Variants in ANXA3 observed in about 807,000 individuals in gnomAD.
ANXA3 encodes the protein 35-alpha calcimedin.
In ANXA3, 46 loss-of-function variants were observed where a neutral mutation model predicts 48.8. The observed-to-expected ratio is 0.94, with a 90% CI of 0.74 to 1.21. The LOEUF is 1.21. ANXA3 is among the 50% of genes most tolerant of loss of function. ANXA3 has a pLI of 0.00. For synonymous variants in ANXA3, 128 were observed against 134.7 expected (o/e 0.95, Z 0.35); for missense variants, 383 against 378.6 (o/e 1.01, Z -0.10).
intron 2 of ANXA3, among the ~76,000 whole-genome samples, chr4:78,563,997 T>C (rs1454825883): frequency 6.6e-6 from 1 of 152,236 alleles, no homozygotes; most frequent in East Asian, 1.9e-4. Context: ...TTAAGCACTT[T>C]ACTTTGATTG....
intron 3 of ANXA3, among the ~76,000 whole-genome samples, chr4:78,576,554 C>T (rs1408848040): frequency 6.6e-6 from 1 of 152,148 alleles, no homozygotes; most frequent in African/African-American, 2.4e-5. Flanking sequence ...GCCTTGTCCT[C>T]CCAAAGTCCT....
intron 3 of ANXA3, among the ~76,000 whole-genome samples, 164 bp from the exon 4 acceptor site, chr4:78,578,863 A>G (rs1723016664): frequency 6.6e-6 from 1 of 151,196 alleles, no homozygotes. Context: ...AAATAAATAA[A>G]TAAATAAATA....
intron 5 of ANXA3, among the ~76,000 whole-genome samples, chr4:78,583,246 G>A (rs780317695): frequency 7.2e-5 from 11 of 152,164 alleles, no homozygotes; most frequent in Non-Finnish European, 1.2e-4. Context: ...GGAGGCTGTG[G>A]TGGGAGGATC....
chr4:78,586,206 A>T, intron 5 of ANXA3, 54 bp from the exon 6 acceptor site: 2 of 1,409,034 alleles, frequency 1.4e-6, no homozygotes. Flanking sequence ...ACCAAAAGGC[A>T]TGAGATTAAG....
chr4:78,607,347 A>G (rs986926574), intron 12 of ANXA3, among the ~76,000 whole-genome samples: 7 of 152,168 alleles, frequency 4.6e-5, no homozygotes, highest in African/African-American at 1.7e-4. Flanking sequence ...TCCATTTTGC[A>G]TATCATCTCA....
chr4:78,583,750 C>T (rs1354184306), intron 5 of ANXA3, among the ~76,000 whole-genome samples: 1 of 152,222 alleles, frequency 6.6e-6, no homozygotes, highest in Non-Finnish European at 1.5e-5. Flanking sequence ...CAAGCTGAAG[C>T]TGCTGTCCAC....
At chr4:78,561,668 G>A (rs560661138) in intron 2 of ANXA3, among the ~76,000 whole-genome samples, 4 of 152,092 alleles carry the variant, frequency 2.6e-5, no homozygotes, top group Non-Finnish European at 5.9e-5. Context: ...ACCACATCCA[G>A]GAATGGAAGA....
In ANXA3 at chr4:78,604,288, T is replaced by C. The variant is rs1281501892; in HGVS notation, c.801T>C (p.Thr267=). 1.2e-6 allele frequency: 2 copies of C among 1,611,340 alleles called. No individual in the cohort carries two copies. Among genetic ancestry groups the C allele is most frequent in the Non-Finnish European group, 1.7e-6 (2 of 1,178,290 alleles). The change falls in exon 12 of 13, where the codon ACT becomes ACC. Residue 267 remains threonine, a synonymous_variant. Transcript: ENST00000264908. ...RLHRALKGIG[T]DEFTLNRIMV... is the part of the protein sequence containing the mutation. ...GCATTCCTTAACAGGGTATTGGAAC[T>C]GATGAGTTTACTCTGAACCGAATAA...
intron 5 of ANXA3, among the ~76,000 whole-genome samples, chr4:78,585,953 A>T (rs371440716): frequency 2.6e-5 from 4 of 152,226 alleles, no homozygotes; most frequent in African/African-American, 9.6e-5. Flanking sequence ...GAATGTTGGT[A>T]GGGTTAATCC....
rs1723176138 is a variant in ANXA3, at chr4:78,586,313, C to G, written c.366C>G (p.Ser122Arg). The G allele has an allele frequency of 1.2e-6, 2 of 1,613,588 alleles. No individual in the cohort carries two copies. Among genetic ancestry groups the G allele is most frequent in the Non-Finnish European group, 1.7e-6 (2 of 1,179,714 alleles). Residue 122 changes from serine to arginine, a missense_variant, in exon 6 of 13, where the codon AGC (serine) becomes AGG (arginine). By Grantham distance (110) the Ser-to-Arg change is moderately radical. Transcript: ENST00000264908. ...ALIEILTTRT[S>R]RQMKDISQAY... ...TTGAAATCTTAACTACCAGGACAAGCAGGCAAATGAAGGATATCTCTCAAG... is the reference window on the plus strand; with the variant it reads ...TTGAAATCTTAACTACCAGGACAAGGAGGCAAATGAAGGATATCTCTCAAG...
intron 5 of ANXA3, 124 bp downstream of exon 5, chr4:78,582,414 G>A: frequency 3.3e-6 from 2 of 603,822 alleles, no homozygotes; most frequent in Middle Eastern, 2.8e-4. Flanking sequence ...GACTCTCCCA[G>A]TGGTAGAATG....
chr4:78,583,423 C>T (rs536771762), intron 5 of ANXA3, among the ~76,000 whole-genome samples: 1 of 151,572 alleles, frequency 6.6e-6, no homozygotes, highest in South Asian at 2.1e-4. Flanking sequence ...CAAAACCAGC[C>T]TCAAACTGAG....
chr4:78,566,712 A>G (rs111558835), intron 2 of ANXA3, among the ~76,000 whole-genome samples: 2,312 of 152,266 alleles, frequency 0.015, 65 homozygotes, highest in African/African-American at 0.053. Context: ...TATTGAGCAC[A>G]GGGCTCACTA....
At chr4:78,553,430 C>T (rs1338573043) in intron 1 of ANXA3, among the ~76,000 whole-genome samples, 1 of 152,136 alleles carries the variant, frequency 6.6e-6, no homozygotes, top group African/African-American at 2.4e-5. Context: ...GCTGGCAACA[C>T]CCCCTTCTTC....
At chr4:78,604,240 T>C (rs1375847230) in intron 11 of ANXA3, 37 bp from the exon 12 acceptor site, 3 of 1,561,204 alleles carry the variant, frequency 1.9e-6, no homozygotes, top group Non-Finnish European at 2.6e-6. Flanking sequence ...TTGTGACCAA[T>C]GACATTTGTG....
intron 12 of ANXA3, among the ~76,000 whole-genome samples, chr4:78,604,741 A>G (rs1723612891): frequency 6.6e-6 from 1 of 152,180 alleles, no homozygotes; most frequent in Non-Finnish European, 1.5e-5. Flanking sequence ...AAAAATACGT[A>G]TTTTAAATTT....
intron 2 of ANXA3, among the ~76,000 whole-genome samples, chr4:78,555,012 C>T (rs1327466847): frequency 2.0e-5 from 3 of 152,174 alleles, no homozygotes; most frequent in Non-Finnish European, 4.4e-5. Context: ...TTGAGACCAG[C>T]CTGGCCAACA....
At chr4:78,554,545 CAGA>C in intron 2 of ANXA3, 57 bp downstream of exon 2, 1 of 1,527,866 alleles carries the variant, frequency 6.5e-7, no homozygotes, top group East Asian at 2.3e-5. Flanking sequence ...AACCAAAACA[CAGA>C]AGGTCAAGAT....
intron 2 of ANXA3, among the ~76,000 whole-genome samples, chr4:78,571,476 G>T (rs1034648250): frequency 6.6e-6 from 1 of 152,180 alleles, no homozygotes; most frequent in Non-Finnish European, 1.5e-5. Context: ...TAATGAATCA[G>T]CAGACTATCA....
Sources: gnomAD v4.1 joint callset for allele counts (sites outside exome capture counted in the v4.1 genomes callset) on GRCh38, gnomAD v4.1.1 for gene constraint, MANE v1.5 for transcripts, NCBI Gene and HGNC (gene_info 2026-07-23, HGNC 2026-07-21) for gene names.